IQSEC3: variants seen among roughly 807,000 people sequenced by gnomAD.
IQSEC3 encodes the protein IQ motif and SEC7 domain-containing protein 3.
IQSEC3 carries 50 observed loss-of-function variants against 105.4 expected under a neutral mutation model. That is an observed-to-expected ratio of 0.47 (90% CI 0.38 to 0.60). IQSEC3 has a LOEUF of 0.60. IQSEC3 is among the 20% of genes least tolerant of loss of function. IQSEC3 has a pLI of 0.00. For missense variants in IQSEC3, 1,415 were observed against 1,630.0 expected, an observed-to-expected ratio of 0.87 and a Z score of 2.27; for synonymous variants, 708 against 746.0, an observed-to-expected ratio of 0.95 and a Z score of 0.83.
At chr12:97,888 C>T (rs1555075116) in intron 1 of IQSEC3, among the ~76,000 whole-genome samples, 17 of 152,220 alleles carry the variant, frequency 1.1e-4, no homozygotes, top group Non-Finnish European at 2.5e-4. Flanking sequence ...CACTCTCAGA[C>T]CCTGTGGGCC....
chr12:95,798 C>A (rs1864225670), intron 1 of IQSEC3, among the ~76,000 whole-genome samples: 1 of 152,186 alleles, frequency 6.6e-6, no homozygotes, highest in Admixed American at 6.5e-5. Flanking sequence ...AGATAGACTG[C>A]TAACTAGTTC....
chr12:127,473 A>C (rs1865453952), intron 3 of IQSEC3, among the ~76,000 whole-genome samples: 1 of 152,114 alleles, frequency 6.6e-6, no homozygotes, highest in South Asian at 2.1e-4. Flanking sequence ...CCAAGATTGC[A>C]CCACAGCACT....
chr12:125,949 G>T, intron 3 of IQSEC3, 37 bp downstream of exon 3: 1 of 1,516,992 alleles, frequency 6.6e-7, no homozygotes, highest in Non-Finnish European at 8.8e-7. Context: ...GGAGGGTGGT[G>T]AAGGGGCCCT....
rs556421845 is a variant in IQSEC3, at chr12:163,856, G to T, written c.2709+237G>T. On this transcript the variant is annotated intron_variant, in intron 9 of 13. Coordinates refer to ENST00000538872, the MANE Select transcript of IQSEC3 (RefSeq NM_001170738.2). ...ATGACACCGAGACGTCAGATGATCTGCTCGTGGTTGCACAAACTGTTAACG... is the reference window on the plus strand; with the variant it reads ...ATGACACCGAGACGTCAGATGATCTTCTCGTGGTTGCACAAACTGTTAACG... Among the ~76,000 whole-genome samples, 13 of 152,264 alleles carry T rather than the reference G, an allele frequency of 8.5e-5. No individual in the cohort carries two copies. The South Asian group carries it at 1.9e-3, about 22-fold the overall frequency.
At position 160,424 on chromosome 12, in the gene IQSEC3, A is replaced by G. The variant is rs539615176; in HGVS notation, c.2444-1502A>G. ...TTTCTTGTTCTGCCTGATACCCAGA[A>G]GATAAATGTTCAATCTGTTGCCCAG... On this transcript the variant is annotated intron_variant, in intron 7 of 13. Coordinates refer to ENST00000538872, the MANE Select transcript of IQSEC3 (RefSeq NM_001170738.2). Among the ~76,000 whole-genome samples, 6 of 152,306 alleles carry G rather than the reference A, an allele frequency of 3.9e-5. No homozygotes were observed. In the South Asian group the frequency reaches 1.0e-3, roughly 26 times the overall value.
chr12:113,165 C>G (rs1864948760), intron 2 of IQSEC3, among the ~76,000 whole-genome samples: 1 of 152,144 alleles, frequency 6.6e-6, no homozygotes, highest in Admixed American at 6.5e-5. Context: ...GTTTCTTGCA[C>G]TCCAAGGACA....
intron 1 of IQSEC3, among the ~76,000 whole-genome samples, chr12:76,912 T>C (rs1863554688): frequency 6.6e-6 from 1 of 152,274 alleles, no homozygotes; most frequent in East Asian, 1.9e-4. Flanking sequence ...GCCAACCACC[T>C]GCCTCCAATC....
chr12:126,208 GGCAA>G (rs1865401097), intron 3 of IQSEC3, among the ~76,000 whole-genome samples: 1 of 152,240 alleles, frequency 6.6e-6, no homozygotes, highest in Non-Finnish European at 1.5e-5. Flanking sequence ...CTGACCACTA[GGCAA>G]GGAGCCCACT....
chr12:135,426 A>AC (rs1441573509), intron 3 of IQSEC3, among the ~76,000 whole-genome samples: 1 of 152,218 alleles, frequency 6.6e-6, no homozygotes, highest in Non-Finnish European at 1.5e-5. Flanking sequence ...ATGAGGTCAT[A>AC]CCTAGTAAAG....
intron 3 of IQSEC3, among the ~76,000 whole-genome samples, chr12:129,582 G>T (rs558820887): frequency 1.4e-5 from 2 of 144,072 alleles, no homozygotes; most frequent in East Asian, 2.1e-4. Flanking sequence ...TGAGCATGCA[G>T]GTCCCTTTGG....
intron 5 of IQSEC3, chr12:143,640 GC>G (rs879999713): frequency 0.7 from 116,054 of 165,706 alleles, 43,003 homozygotes; most frequent in Admixed American, 0.77. Context: ...TGGGGTGCCA[GC>G]GTTCATGCAG....
chr12:87,851 C>T (rs1160582729), intron 1 of IQSEC3, among the ~76,000 whole-genome samples: 2 of 152,118 alleles, frequency 1.3e-5, no homozygotes, highest in African/African-American at 2.4e-5. Flanking sequence ...ATGTATTAGC[C>T]GTGTTCTGTT....
intron 3 of IQSEC3, among the ~76,000 whole-genome samples, chr12:130,882 C>T (rs146302135): frequency 5.9e-5 from 9 of 152,022 alleles, no homozygotes; most frequent in Non-Finnish European, 8.8e-5. Context: ...CCCGGGCTCG[C>T]CAGGCCAAGT....
chr12:66,792 C>A lies in IQSEC3; in HGVS notation c.-91C>A, dbSNP rs1158130164. 1.2e-5 allele frequency: 14 copies of A among 1,197,014 alleles called. No individual in the cohort carries two copies. The Middle Eastern group carries it at 1.2e-3, about 106-fold the overall frequency. The allele number at this position is 1,197,014 out of a possible 1,614,324, so 74.1% of individuals were successfully genotyped here. A position where few individuals can be genotyped will look rare whatever the true frequency, so the allele number is the denominator to read the frequency against. On this transcript the variant is annotated 5_prime_UTR_variant, in exon 1 of 14. Transcript: ENST00000538872. ...AGGCTGGGCCGGTGGGAGAGGGAGGCGAGCCGACCGCTGGGCTGCTGGGCT... is the reference window on the plus strand; with the variant it reads ...AGGCTGGGCCGGTGGGAGAGGGAGGAGAGCCGACCGCTGGGCTGCTGGGCT...
At chr12:71,037 C>T (rs1272696347) in intron 1 of IQSEC3, among the ~76,000 whole-genome samples, 1 of 152,290 alleles carries the variant, frequency 6.6e-6, no homozygotes, top group Non-Finnish European at 1.5e-5. Context: ...ATAAGCTACA[C>T]AGGGAAATCT....
intron 13 of IQSEC3, among the ~76,000 whole-genome samples, chr12:173,341 C>T (rs954608160): frequency 2.0e-5 from 3 of 152,164 alleles, no homozygotes; most frequent in Admixed American, 2.0e-4. Context: ...GGCAGTGGGG[C>T]TCATGAATAC....
In IQSEC3 at chr12:139,168, C is replaced by A. The variant is rs1555088225; in HGVS notation, c.1805C>A (p.Thr602Lys). 3 of 1,573,770 alleles carry A rather than the reference C, an allele frequency of 1.9e-6. No individual in the cohort carries two copies. The highest frequency in any genetic ancestry group is 1.4e-5 in the African/African-American group (1 of 73,622). Residue 602 changes from threonine (T) to lysine (K), a missense_variant, in exon 4 of 14, where the codon ACG becomes AAG. Around this residue, in one of 6 missense-constraint regions of IQSEC3, gnomAD observed 720 missense variants for 633.0 expected, o/e 1.14. Coordinates refer to ENST00000538872, the MANE Select transcript of IQSEC3 (RefSeq NM_001170738.2). ...TTGGAGCAGCTGAGCAGCAGCAGCA[C>A]GTCCACCAAGTCCGCCAAGTCAGGC... ...GDLEQLSSSS[T>K]STKSAKSGSE...
At chr12:81,272 C>T (rs1039278464) in intron 1 of IQSEC3, among the ~76,000 whole-genome samples, 4 of 152,098 alleles carry the variant, frequency 2.6e-5, no homozygotes, top group East Asian at 1.9e-4. Flanking sequence ...CATTGGAGTC[C>T]GTTAGGAAGT....
At chr12:143,085 T>C (rs974421477) in intron 5 of IQSEC3, among the ~76,000 whole-genome samples, 1 of 152,244 alleles carries the variant, frequency 6.6e-6, no homozygotes, top group African/African-American at 2.4e-5. Context: ...AGCGTTTTCC[T>C]GCAGCCCAGG....
Sources: allele counts gnomAD v4.1 joint callset (sites outside exome capture counted in the v4.1 genomes callset), GRCh38; gene constraint gnomAD v4.1.1; regional missense constraint gnomAD v4.1.1; transcripts MANE v1.5; gene names NCBI Gene and HGNC (gene_info 2026-07-23, HGNC 2026-07-21).